Variants in STK39 observed in about 807,000 individuals in gnomAD.
STK39 encodes serine/threonine kinase 39.
In STK39, 20 loss-of-function variants were observed where a neutral mutation model predicts 77.8. The observed-to-expected ratio is 0.26, with a 90% CI of 0.18 to 0.37. The LOEUF (loss-of-function observed/expected upper bound fraction) is 0.37. Among genes scored for constraint, STK39 ranks in the 10% least tolerant of loss-of-function variants. The pLI is 1.00. For missense variants in STK39, 479 were observed against 656.5 expected, an observed-to-expected ratio of 0.73 and a Z score of 2.95; for synonymous variants, 246 against 234.1, an observed-to-expected ratio of 1.05 and a Z score of -0.47.
intron 17 of STK39, among the ~76,000 whole-genome samples, chr2:167,959,716 T>C (rs954034480): frequency 2.0e-5 from 3 of 152,198 alleles, no homozygotes; most frequent in Non-Finnish European, 4.4e-5. Flanking sequence ...AAGTCAATAA[T>C]GTTTCCTGCC....
At chr2:168,021,397 T>C (rs931404389) in intron 14 of STK39, among the ~76,000 whole-genome samples, 2 of 152,184 alleles carry the variant, frequency 1.3e-5, no homozygotes, top group African/African-American at 4.8e-5. Context: ...AGTAGACTTG[T>C]CCCATCAAGA....
intron 16 of STK39, among the ~76,000 whole-genome samples, chr2:167,976,899 G>C (rs1441167646): frequency 1.3e-5 from 2 of 152,124 alleles, no homozygotes; most frequent in Non-Finnish European, 2.9e-5. Flanking sequence ...GCAATGCTGT[G>C]GCCTTTATTT....
At chr2:168,165,794 G>A (rs1366702382) in intron 3 of STK39, among the ~76,000 whole-genome samples, 1 of 151,622 alleles carries the variant, frequency 6.6e-6, no homozygotes, top group Non-Finnish European at 1.5e-5. Context: ...TTTTAAAAAA[G>A]GAAAACATTA....
chr2:168,050,665 C>A (rs1048318134), intron 14 of STK39, among the ~76,000 whole-genome samples: 8 of 152,130 alleles, frequency 5.3e-5, no homozygotes, highest in African/African-American at 1.9e-4. Flanking sequence ...GGGAAGGAAA[C>A]AGACTCTCCC....
intron 14 of STK39, among the ~76,000 whole-genome samples, chr2:168,054,767 T>G (rs1685480957): frequency 1.3e-5 from 1 of 76,444 alleles, no homozygotes; most frequent in Non-Finnish European, 2.8e-5. Flanking sequence ...AATTTGGTTG[T>G]TGAAAAAAAC....
chr2:168,203,321 G>A (rs1574552300), intron 1 of STK39, among the ~76,000 whole-genome samples: 1 of 152,138 alleles, frequency 6.6e-6, no homozygotes, highest in Non-Finnish European at 1.5e-5. Context: ...GTCCTGGCTA[G>A]CTCAGTCATG....
At position 167,955,402 on chromosome 2, in the gene STK39, G is replaced by C. The variant is rs200677587; in HGVS notation, c.*94C>G. 3 of 1,206,530 alleles carry C rather than the reference G, an allele frequency of 2.5e-6. No individual in the cohort carries two copies. Among genetic ancestry groups the C allele is most frequent in the Admixed American group, 4.3e-5 (2 of 46,700 alleles). The allele number at this position is 1,206,530 out of a possible 1,614,324, so 74.7% of individuals were successfully genotyped here. A position where few individuals can be genotyped will look rare whatever the true frequency, so the allele number is the denominator to read the frequency against. On this transcript the variant is annotated 3_prime_UTR_variant, in exon 18 of 18. Transcript: ENST00000355999. ...GATTTTGCTAGGAAATGGGAGTGAG[G>C]GGGTGGGAGGAAATGGGCAGAAAGA...
intron 10 of STK39, among the ~76,000 whole-genome samples, chr2:168,105,326 C>A (rs1192974079): frequency 6.6e-6 from 1 of 152,202 alleles, no homozygotes; most frequent in Admixed American, 6.5e-5. Flanking sequence ...CCTGCGCTCT[C>A]TTAGGGACAA....
At chr2:168,186,951 G>A (rs1000683909) in intron 1 of STK39, among the ~76,000 whole-genome samples, 3 of 152,190 alleles carry the variant, frequency 2.0e-5, no homozygotes, top group Admixed American at 6.5e-5. Context: ...AGCATGATGA[G>A]CATAAGAGTT....
intron 14 of STK39, among the ~76,000 whole-genome samples, chr2:168,050,540 G>C (rs1449854062): frequency 6.6e-6 from 1 of 152,218 alleles, no homozygotes; most frequent in Non-Finnish European, 1.5e-5. Context: ...CTGGTGGTCA[G>C]AGAAAGAGAT....
intron 1 of STK39, among the ~76,000 whole-genome samples, chr2:168,197,153 A>C (rs902763657): frequency 2.6e-5 from 4 of 152,216 alleles, no homozygotes; most frequent in Non-Finnish European, 5.9e-5. Flanking sequence ...CAACGATGGC[A>C]AGTGCTAGGG....
At chr2:168,200,965 G>C (rs913485681) in intron 1 of STK39, among the ~76,000 whole-genome samples, 1 of 152,144 alleles carries the variant, frequency 6.6e-6, no homozygotes, top group Non-Finnish European at 1.5e-5. Context: ...CTTAAATGCA[G>C]GGGTGGAAAA....
chr2:168,224,454 T>C (rs1367038086), intron 1 of STK39, among the ~76,000 whole-genome samples: 1 of 152,142 alleles, frequency 6.6e-6, no homozygotes, highest in Non-Finnish European at 1.5e-5. Context: ...GGAAAATTCA[T>C]TTCATTATTG....
intron 2 of STK39, among the ~76,000 whole-genome samples, chr2:168,171,622 G>A (rs1688827223): frequency 6.6e-6 from 1 of 151,730 alleles, no homozygotes; most frequent in Non-Finnish European, 1.5e-5. Flanking sequence ...GAGTAGCAGG[G>A]GGGATGAGCA....
chr2:168,163,758 T>C lies in STK39; in HGVS notation c.553A>G (p.Arg185Gly), dbSNP rs1688633127. 6.2e-7 allele frequency: 1 copy of C among 1,613,954 alleles called. No homozygotes were observed. The highest frequency in any genetic ancestry group is 1.7e-5 in the Admixed American group (1 of 60,008). Reference sequence around the variant, plus strand: ...TCATACCTGTGAATCTGACCGTTTCTGTGTAGATAGTCTAAGCCTTCCAAA... The same window carrying C: ...TCATACCTGTGAATCTGACCGTTTCCGTGTAGATAGTCTAAGCCTTCCAAA... ...EVLEGLDYLH[R>G]NGQIHRDLKA... The change falls in exon 4 of 18, where the codon AGA (arginine) becomes GGA (glycine). Residue 185 changes from arginine (R) to glycine (G), a missense_variant. By Grantham distance (125) the Arg-to-Gly change is moderately radical. Coordinates refer to ENST00000355999, the MANE Select transcript of STK39 (RefSeq NM_013233.3).
At chr2:168,225,990 T>C (rs1559155164) in intron 1 of STK39, among the ~76,000 whole-genome samples, 1 of 152,172 alleles carries the variant, frequency 6.6e-6, no homozygotes, top group Non-Finnish European at 1.5e-5. Context: ...GCAGCCATAG[T>C]TGCGGCTAAC....
intron 14 of STK39, among the ~76,000 whole-genome samples, chr2:168,034,339 A>G (rs1360090303): frequency 6.6e-6 from 1 of 152,176 alleles, no homozygotes; most frequent in Non-Finnish European, 1.5e-5. Context: ...CCAGCTAATA[A>G]TTGTTGCCCT....
chr2:168,161,594 T>G (rs954342969), intron 5 of STK39, among the ~76,000 whole-genome samples, 193 bp downstream of exon 5: 2 of 152,190 alleles, frequency 1.3e-5, no homozygotes, highest in Non-Finnish European at 2.9e-5. Context: ...AAATGGCATT[T>G]TTCACAGGAT....
At chr2:168,053,257 G>T (rs1308032148) in intron 14 of STK39, among the ~76,000 whole-genome samples, 2 of 152,106 alleles carry the variant, frequency 1.3e-5, no homozygotes, top group Admixed American at 6.5e-5. Context: ...CCATTAAAAA[G>T]GATTCTATAG....
Sources: gnomAD v4.1 joint callset for allele counts (sites outside exome capture counted in the v4.1 genomes callset) on GRCh38, gnomAD v4.1.1 for gene constraint, MANE v1.5 for transcripts, NCBI Gene and HGNC (gene_info 2026-07-23, HGNC 2026-07-21) for gene names.